Variants in TRPM2 observed in about 807,000 individuals in gnomAD.
The protein encoded by TRPM2 is transient receptor potential cation channel subfamily M member 2, also known as estrogen-responsive element-associated gene 1 protein.
A neutral mutation model predicts 174.0 loss-of-function variants in TRPM2; 161 were observed. That is an observed-to-expected ratio of 0.93 (90% confidence interval 0.81 to 1.05). The LOEUF is 1.05. Among genes scored for constraint, TRPM2 ranks in the 50% least tolerant of loss-of-function variants. TRPM2 has a pLI of 0.00. For missense variants in TRPM2, 2,057 were observed against 2,038.0 expected (o/e 1.01, Z -0.18); for synonymous variants, 954 against 861.3 (o/e 1.11, Z -1.88).
At chr21:44,351,321 C>G (rs540836581), upstream of TRPM2, among the ~76,000 whole-genome samples, 1 of 152,238 alleles carries the variant, frequency 6.6e-6, no homozygotes, top group Non-Finnish European at 1.5e-5. Flanking sequence ...TGCTCAGTGG[C>G]TAACCCTGAA....
At chr21:44,377,541 T>C (rs1460528416) in intron 6 of TRPM2, among the ~76,000 whole-genome samples, 171 bp from the exon 7 acceptor site, 2 of 152,100 alleles carry the variant, frequency 1.3e-5, no homozygotes, top group Non-Finnish European at 2.9e-5. Context: ...GGTGCTTCAG[T>C]GTGTGGTTAG....
chr21:44,441,180 G>A (rs1319524370), intron 31 of TRPM2, among the ~76,000 whole-genome samples: 3 of 152,168 alleles, frequency 2.0e-5, no homozygotes, highest in Non-Finnish European at 4.4e-5. Context: ...AAGTGACAAA[G>A]GGGGCACCAG....
chr21:44,404,672 C>T (rs2146293516), intron 16 of TRPM2, among the ~76,000 whole-genome samples: 1 of 152,120 alleles, frequency 6.6e-6, no homozygotes, highest in Non-Finnish European at 1.5e-5. Flanking sequence ...ATGATAGTGA[C>T]AGTGACTGTG....
At chr21:44,355,189 G>T (rs1460930320) in intron 2 of TRPM2, among the ~76,000 whole-genome samples, 2 of 147,814 alleles carry the variant, frequency 1.4e-5, no homozygotes. Context: ...CTTGCCCCCA[G>T]GCCCCACAGA....
chr21:44,414,270 G>A (rs1175785887), intron 20 of TRPM2, among the ~76,000 whole-genome samples, 196 bp downstream of exon 20: 1 of 152,216 alleles, frequency 6.6e-6, no homozygotes, highest in Non-Finnish European at 1.5e-5. Context: ...GCTGGCGTGA[G>A]TCTGTCTCTT....
rs916366405 is a variant in TRPM2 at position 44,393,664 on chromosome 21, C to CT, written c.1795-1740dup. 6.8e-4 allele frequency among the ~76,000 whole-genome samples: 101 copies of CT among 147,616 alleles called. 1 individual carries two copies. The highest frequency in any genetic ancestry group is 5.5e-4 in the African/African-American group (22 of 40,350). ...CTGTGAGTCCATCTGGACCCAGTGC[C>CT]TTTTTTTTTTAATTGGTAATAGTTC... On this transcript the variant is annotated intron_variant, in intron 11 of 31. Coordinates refer to ENST00000397928, the MANE Select transcript of TRPM2 (RefSeq NM_003307.4).
In TRPM2 at chr21:44,391,916, G is replaced by A. The variant is rs1314544654; in HGVS notation, c.1794+291G>A. The stretch of plus-strand genomic sequence containing the variant: ...GGCTGCCCTCTTGCTGTGTCTTCAC[G>A]TGACAGAGAGAGAAGTCTCTGGTGC... On this transcript the variant is annotated intron_variant, in intron 11 of 31. Coordinates refer to ENST00000397928, the MANE Select transcript of TRPM2 (RefSeq NM_003307.4). The surrounding 1 kb of genome is among the most constrained non-coding windows in gnomAD (Gnocchi z 5.0). 1.3e-5 allele frequency among the ~76,000 whole-genome samples: 2 copies of A among 152,096 alleles called. No homozygotes were observed. The highest frequency in any genetic ancestry group is 6.5e-5 in the Admixed American group (1 of 15,274).
intron 11 of TRPM2, 90 bp from the exon 12 acceptor site, chr21:44,395,324 T>G: frequency 2.0e-6 from 3 of 1,496,544 alleles, no homozygotes; most frequent in South Asian, 2.6e-5. Context: ...AGGTCGGGGC[T>G]GGGGTCAGGG....
At chr21:44,377,625 G>A (rs887191321) in intron 6 of TRPM2, 87 bp from the exon 7 acceptor site, 18 of 1,566,350 alleles carry the variant, frequency 1.1e-5, no homozygotes, top group East Asian at 6.8e-5. Flanking sequence ...CCCCTCACTC[G>A]GCTCCATGCT....
At position 44,364,140 on chromosome 21, in the gene TRPM2, C is replaced by T. The variant is rs142310115; in HGVS notation, c.281C>T (p.Thr94Met). 4.8e-5 allele frequency: 78 copies of T among 1,614,016 alleles called. No homozygotes were observed. The Middle Eastern group carries it at 5.0e-4, about 10-fold the overall frequency. The stretch of plus-strand genomic sequence containing the variant: ...AAGGTGGTGTGTCAGTGTGGCTACA[C>T]GCATGAGCAGCACTTGGAGGAGGCT... ...AGKVVCQCGY[T>M]HEQHLEEATK... The change falls in exon 3 of 32, where the codon ACG becomes ATG. Residue 94 changes from threonine to methionine, a missense_variant. Physicochemically the swap from Thr to Met is moderately conservative, Grantham distance 81. Coordinates refer to ENST00000397928, the MANE Select transcript of TRPM2 (RefSeq NM_003307.4).
chr21:44,418,202 G>A (rs1321972929), intron 21 of TRPM2, 94 bp downstream of exon 21: 118 of 1,485,174 alleles, frequency 7.9e-5, no homozygotes, highest in East Asian at 1.2e-4. Context: ...AACCCTGGAC[G>A]CTCAGCAGGC....
At chr21:44,378,501 G>A (rs971016609) in intron 7 of TRPM2, among the ~76,000 whole-genome samples, 6 of 152,130 alleles carry the variant, frequency 3.9e-5, no homozygotes, top group African/African-American at 9.7e-5. Flanking sequence ...TACCCTTCAC[G>A]GCTCTTCTGC....
chr21:44,419,632 ATGGTGG>A (rs372721945), intron 22 of TRPM2, among the ~76,000 whole-genome samples: 1 of 125,032 alleles, frequency 8.0e-6, no homozygotes, highest in African/African-American at 3.4e-5. Context: ...GGTGATTGTG[ATGGTGG>A]TGGTGTTGGT....
chr21:44,361,875 A>G (rs1312132618), intron 2 of TRPM2, among the ~76,000 whole-genome samples: 4 of 152,010 alleles, frequency 2.6e-5, no homozygotes, highest in Non-Finnish European at 5.9e-5. Context: ...TGCCCGGTTA[A>G]TTTTTGTATT....
chr21:44,385,994 A>G (rs2049005694), intron 9 of TRPM2, among the ~76,000 whole-genome samples: 1 of 152,192 alleles, frequency 6.6e-6, no homozygotes, highest in African/African-American at 2.4e-5. Flanking sequence ...GCCTAACCAT[A>G]TCAATTTTCT....
In TRPM2 at chr21:44,406,680, C is replaced by T. The variant is rs201296589; in HGVS notation, c.2877C>T (p.Asn959=). 2.7e-5 allele frequency: 44 copies of T among 1,610,296 alleles called. No homozygotes were observed. The highest frequency in any genetic ancestry group is 8.8e-5 in the South Asian group (8 of 90,910). ...GVAKQAILIH[N]ERRVDWLFRG... ...CCAAGCAGGCCATCCTCATCCACAA[C>T]GAGCGCCGGGTGGACTGGCTGTTCC... Residue 959 remains asparagine, a synonymous_variant, in exon 19 of 32, where the codon AAC becomes AAT. Transcript: ENST00000397928.
chr21:44,380,352 T>A (rs929477601), intron 8 of TRPM2, among the ~76,000 whole-genome samples: 1 of 152,204 alleles, frequency 6.6e-6, no homozygotes, highest in African/African-American at 2.4e-5. Flanking sequence ...GAGCGGCCGC[T>A]CAGCTCCCCA....
Position 44,406,761 on chromosome 21 carries a change from C to T in TRPM2, c.2958C>T (p.Ile986=), listed in dbSNP as rs144960925. The T allele has an allele frequency of 1.6e-3, 2,627 of 1,601,700 alleles. 4 individuals are homozygous for T. Among genetic ancestry groups the T allele is most frequent in the Non-Finnish European group, 2.0e-3 (2,386 of 1,176,054 alleles). The change falls in exon 19 of 32, where the codon ATC becomes ATT. Residue 986 remains isoleucine (I), a synonymous_variant. Transcript: ENST00000397928. The part of the protein sequence containing the change: ...LTIFGQIPGY[I]DGVNFNPEHC... ...TCTTCGGGCAGATCCCGGGCTACAT[C>T]GACGGTAGGAGCCGGGCGCCATGGG...
In TRPM2 at chr21:44,422,133, C is replaced by T. The variant is rs1601224963; in HGVS notation, c.3462-1512C>T. ...AAAGTGAGGAAAGAGCTCCTCAGCCCGTACCAAGGGCCCTAGCCTGGTCAC... is the reference window on the plus strand; with the variant it reads ...AAAGTGAGGAAAGAGCTCCTCAGCCTGTACCAAGGGCCCTAGCCTGGTCAC... On this transcript the variant is annotated intron_variant, in intron 22 of 31. Coordinates refer to ENST00000397928, the MANE Select transcript of TRPM2 (RefSeq NM_003307.4). The T allele has an allele frequency of 1.5e-5, 15 of 976,448 alleles. 1 individual carries two copies. The highest frequency in any genetic ancestry group is 1.1e-4 in the South Asian group (6 of 55,922). 60.5% of individuals were successfully genotyped at this position (976,448 alleles called of 1,614,324 possible). A position where few individuals can be genotyped will look rare whatever the true frequency, so the allele number is the denominator to read the frequency against.
Sources: gnomAD v4.1 joint callset for allele counts (sites outside exome capture counted in the v4.1 genomes callset) on GRCh38, gnomAD v4.1.1 for gene constraint, Gnocchi (gnomAD v3.1) non-coding constraint, MANE v1.5 for transcripts, NCBI Gene and HGNC (gene_info 2026-07-23, HGNC 2026-07-21) for gene names.